DSCAM: variants seen among roughly 807,000 people sequenced by gnomAD.
The protein encoded by DSCAM is cell adhesion molecule DSCAM.
Under a neutral mutation model 217.7 loss-of-function variants are expected in DSCAM, and 47 were observed. That is an observed-to-expected ratio of 0.22 (90% CI 0.17 to 0.28). The LOEUF (loss-of-function observed/expected upper bound fraction) is 0.28, where lower values mean the gene tolerates loss of function less well. Ranked by LOEUF, DSCAM falls within the 10% of genes least tolerant of loss-of-function variation. The probability of loss-of-function intolerance (pLI) is 1.00; values close to 1 mark genes in which losing one functional copy is unlikely to be tolerated. For synonymous variants in DSCAM, 1,056 were observed against 1,015.3 expected, an observed-to-expected ratio of 1.04 and a Z score of -0.76; for missense variants, 2,080 against 2,618.3, an observed-to-expected ratio of 0.79 and a Z score of 4.49.
chr21:40,611,093 G>A (rs935775200), intron 3 of DSCAM, among the ~76,000 whole-genome samples: 112 of 134,312 alleles, frequency 8.3e-4, no homozygotes, highest in African/African-American at 1.1e-3. Flanking sequence ...GAGACTCACC[G>A]TGTCGTCCAG....
At chr21:40,199,039 A>G (rs1275361842) in intron 11 of DSCAM, among the ~76,000 whole-genome samples, 1 of 152,156 alleles carries the variant, frequency 6.6e-6, no homozygotes. Context: ...AGAGCTGAGG[A>G]GAGGGCAGTC....
intron 29 of DSCAM, among the ~76,000 whole-genome samples, chr21:40,053,100 G>A (rs1345196328): frequency 6.6e-6 from 1 of 152,140 alleles, no homozygotes; most frequent in African/African-American, 2.4e-5. Flanking sequence ...TGCGAAAGTC[G>A]TAAACAACAC....
At chr21:40,404,314 G>C (rs1441588156) in intron 3 of DSCAM, among the ~76,000 whole-genome samples, 1 of 152,188 alleles carries the variant, frequency 6.6e-6, no homozygotes. Context: ...CAGATTCTGT[G>C]AACCAAGAGG....
At chr21:40,103,437 C>T (rs561600313) in intron 20 of DSCAM, among the ~76,000 whole-genome samples, 1 of 152,146 alleles carries the variant, frequency 6.6e-6, no homozygotes, top group South Asian at 2.1e-4. Flanking sequence ...AAAGAAATGG[C>T]CTGGATTCCA....
At chr21:40,055,633 C>G in intron 29 of DSCAM, 92 bp downstream of exon 29, 1 of 922,534 alleles carries the variant, frequency 1.1e-6, no homozygotes, top group South Asian at 1.4e-5. Flanking sequence ...AAGACGCTCT[C>G]CTGTCTAATA....
chr21:40,332,891 ATT>A (rs1202731091), intron 8 of DSCAM, among the ~76,000 whole-genome samples: 2 of 152,192 alleles, frequency 1.3e-5, no homozygotes, highest in South Asian at 4.1e-4. Flanking sequence ...AAAAAATAGT[ATT>A]GTTTCCAAAT....
intron 19 of DSCAM, among the ~76,000 whole-genome samples, chr21:40,131,248 A>C (rs1246378696): frequency 6.6e-6 from 1 of 152,234 alleles, no homozygotes; most frequent in Non-Finnish European, 1.5e-5. Context: ...CAATCAGATA[A>C]ATAAAATAGC....
chr21:40,561,430 A>C (rs2076719823), intron 3 of DSCAM, among the ~76,000 whole-genome samples: 1 of 152,254 alleles, frequency 6.6e-6, no homozygotes, highest in South Asian at 2.1e-4. Context: ...GTTCTTAGGA[A>C]TAATGTAAAC....
intron 9 of DSCAM, among the ~76,000 whole-genome samples, chr21:40,297,378 C>T (rs2073966874): frequency 6.6e-6 from 1 of 152,158 alleles, no homozygotes; most frequent in Admixed American, 6.5e-5. Context: ...ATCAGCGATT[C>T]ATTACAGGGT....
chr21:40,037,913 G>T (rs1403274828), intron 32 of DSCAM, among the ~76,000 whole-genome samples: 1 of 147,760 alleles, frequency 6.8e-6, no homozygotes, highest in Non-Finnish European at 1.5e-5. Context: ...ACAAGCAATG[G>T]GGAAAGGATT....
chr21:40,477,273 C>T (rs2075945048), intron 3 of DSCAM, among the ~76,000 whole-genome samples: 1 of 151,752 alleles, frequency 6.6e-6, no homozygotes, highest in South Asian at 2.1e-4. Context: ...CATAGAAAAT[C>T]AGAAATTGAT....
At chr21:40,263,567 T>C (rs1184515395) in intron 11 of DSCAM, among the ~76,000 whole-genome samples, 1 of 152,120 alleles carries the variant, frequency 6.6e-6, no homozygotes, top group Non-Finnish European at 1.5e-5. Context: ...AAAGCATTGC[T>C]AAGAGGAAAG....
rs540964354 is a variant in DSCAM, at chr21:40,455,407, T to A, written c.509-86162A>T. Among the ~76,000 whole-genome samples the A allele has an allele frequency of 3.5e-4, 54 of 152,270 alleles. 2 individuals carry two copies. Among genetic ancestry groups the A allele is most frequent in the South Asian group, 1.9e-3 (9 of 4,824 alleles). ...AAAGGGAATTAAAAAATAAAAAAAC[T>A]GATTGCCATATTGTAATCAACCCAA... is the stretch of plus-strand genomic sequence containing the variant. On this transcript the variant is annotated intron_variant, in intron 3 of 32. Transcript: ENST00000400454.
At chr21:40,364,736 A>G (rs1339100600) in intron 4 of DSCAM, among the ~76,000 whole-genome samples, 2 of 146,332 alleles carry the variant, frequency 1.4e-5, no homozygotes, top group Non-Finnish European at 3.0e-5. Flanking sequence ...ATACATATAT[A>G]TATATACACA....
At chr21:40,183,482 G>A (rs1296286408) in intron 14 of DSCAM, among the ~76,000 whole-genome samples, 1 of 152,242 alleles carries the variant, frequency 6.6e-6, no homozygotes, top group Non-Finnish European at 1.5e-5. Flanking sequence ...AGGGGGGCAG[G>A]AGATGATGAC....
At chr21:40,073,723 T>A (rs2089327033) in intron 27 of DSCAM, among the ~76,000 whole-genome samples, 1 of 152,232 alleles carries the variant, frequency 6.6e-6, no homozygotes, top group Non-Finnish European at 1.5e-5. Context: ...CACTGGTAGC[T>A]GCTTATGGGC....
chr21:40,555,127 G>A (rs2146169714), intron 3 of DSCAM, among the ~76,000 whole-genome samples: 1 of 152,250 alleles, frequency 6.6e-6, no homozygotes, highest in South Asian at 2.1e-4. Flanking sequence ...TCAATATTCA[G>A]GCATTCCTAT....
intron 1 of DSCAM, among the ~76,000 whole-genome samples, chr21:40,720,872 T>G (rs2090893820): frequency 6.6e-6 from 1 of 152,142 alleles, no homozygotes; most frequent in Non-Finnish European, 1.5e-5. Context: ...AAGGAAGTTA[T>G]ATAGAGAGGG....
chr21:40,623,439 C>T (rs926931390), intron 3 of DSCAM, among the ~76,000 whole-genome samples: 1 of 152,190 alleles, frequency 6.6e-6, no homozygotes, highest in Non-Finnish European at 1.5e-5. Context: ...ATCAATAAAG[C>T]AGCTTTTTAA....
Sources: allele counts gnomAD v4.1 joint callset (sites outside exome capture counted in the v4.1 genomes callset), GRCh38; gene constraint gnomAD v4.1.1; transcripts MANE v1.5; gene names NCBI Gene and HGNC (gene_info 2026-07-23, HGNC 2026-07-21).